The following AUTS2 variants were observed in gnomAD, a reference collection of about 807,000 sequenced individuals.
The protein encoded by AUTS2 is autism susceptibility gene 2 protein.
A neutral mutation model predicts 112.4 loss-of-function variants in AUTS2; 17 were observed. The observed-to-expected ratio is 0.15, with a 90% CI of 0.10 to 0.23. The LOEUF is 0.23. Among genes scored for constraint, AUTS2 ranks in the 10% least tolerant of loss-of-function variants. The pLI is 1.00. For missense variants in AUTS2, 1,510 were observed against 1,701.6 expected (o/e 0.89, Z 1.98); for synonymous variants, 751 against 702.7 (o/e 1.07, Z -1.09).
chr7:69,836,227 T>C (rs573342617), intron 1 of AUTS2, among the ~76,000 whole-genome samples: 1 of 152,310 alleles, frequency 6.6e-6, no homozygotes, highest in Admixed American at 6.5e-5. Flanking sequence ...TCAGATTAGC[T>C]GAGAAGGCAT....
intron 4 of AUTS2, among the ~76,000 whole-genome samples, chr7:70,263,606 G>A (rs1247850990): frequency 6.6e-6 from 1 of 152,040 alleles, no homozygotes; most frequent in African/African-American, 2.4e-5. Context: ...TTATTACTTT[G>A]TGCTTCACAT....
chr7:69,837,352 A>G (rs907301863), intron 1 of AUTS2, among the ~76,000 whole-genome samples: 2 of 152,130 alleles, frequency 1.3e-5, no homozygotes, highest in Admixed American at 6.6e-5. Flanking sequence ...GAAGATGCTC[A>G]GAGAGGTTAA....
At chr7:70,444,369 T>TGAGA (rs1410109542) in intron 5 of AUTS2, among the ~76,000 whole-genome samples, 1 of 144,978 alleles carries the variant, frequency 6.9e-6, no homozygotes, top group East Asian at 2.0e-4. Flanking sequence ...TGTGTGTGTG[T>TGAGA]GTGTGAGAGA....
chr7:69,827,594 G>A (rs1791308644), intron 1 of AUTS2, among the ~76,000 whole-genome samples: 2 of 152,298 alleles, frequency 1.3e-5, no homozygotes, highest in South Asian at 4.1e-4. Context: ...TTGGCCAGGG[G>A]AAAGGTGTAG....
chr7:70,135,916 T>C (rs1318205747), intron 4 of AUTS2, among the ~76,000 whole-genome samples: 1 of 152,086 alleles, frequency 6.6e-6, no homozygotes, highest in Non-Finnish European at 1.5e-5. Context: ...CTATTCTCCA[T>C]CCAAAAGCTA....
intron 5 of AUTS2, among the ~76,000 whole-genome samples, chr7:70,657,029 G>A (rs996406671): frequency 3.9e-5 from 6 of 152,154 alleles, no homozygotes; most frequent in Non-Finnish European, 8.8e-5. Context: ...CCTGCTCTTG[G>A]ACTTCTCAGG....
intron 5 of AUTS2, among the ~76,000 whole-genome samples, chr7:70,663,528 GA>G (rs1807182116): frequency 1.3e-5 from 2 of 152,022 alleles, no homozygotes; most frequent in Admixed American, 1.3e-4. Context: ...GGTTGGCCCT[GA>G]CTCCCCTTAC....
At chr7:70,127,903 C>T (rs1806061987) in intron 3 of AUTS2, among the ~76,000 whole-genome samples, 1 of 152,068 alleles carries the variant, frequency 6.6e-6, no homozygotes, top group Admixed American at 6.6e-5. Context: ...CAGCATCTGT[C>T]CTATTCTTTC....
chr7:69,797,730 G>A (rs1453188926), intron 1 of AUTS2, among the ~76,000 whole-genome samples: 1 of 151,924 alleles, frequency 6.6e-6, no homozygotes, highest in Non-Finnish European at 1.5e-5. Flanking sequence ...ATAAGGTTAT[G>A]TCTTCACCAG....
chr7:70,698,719 T>C (rs940875419), intron 6 of AUTS2, 99 bp downstream of exon 6: 6 of 980,454 alleles, frequency 6.1e-6, no homozygotes, highest in African/African-American at 4.9e-5. Context: ...CTTTCTCTTA[T>C]AATTCTGAAG....
At chr7:70,047,063 G>A (rs1466376713) in intron 2 of AUTS2, among the ~76,000 whole-genome samples, 9 of 152,098 alleles carry the variant, frequency 5.9e-5, no homozygotes, top group African/African-American at 1.4e-4. Context: ...TATGCAGTTC[G>A]GGGGTGATCT....
chr7:70,714,154 A>G (rs1810222399), intron 6 of AUTS2, among the ~76,000 whole-genome samples: 1 of 152,236 alleles, frequency 6.6e-6, no homozygotes, highest in Non-Finnish European at 1.5e-5. Context: ...GACACATGAA[A>G]GTGAATTCAA....
At chr7:70,611,941 C>T (rs1362694158) in intron 5 of AUTS2, among the ~76,000 whole-genome samples, 1 of 152,196 alleles carries the variant, frequency 6.6e-6, no homozygotes, top group Non-Finnish European at 1.5e-5. Context: ...ATAGTTTCTA[C>T]AAAGGGGGCC....
intron 4 of AUTS2, among the ~76,000 whole-genome samples, chr7:70,330,238 C>T (rs950969456): frequency 4.6e-5 from 7 of 152,126 alleles, no homozygotes; most frequent in Non-Finnish European, 1.0e-4. Flanking sequence ...TTACTTTCTT[C>T]TAAGAGTTTT....
In AUTS2 at chr7:70,109,798, G is replaced by A. The variant is rs1232988139; in HGVS notation, c.523-8334G>A. Among the ~76,000 whole-genome samples the A allele has an allele frequency of 2.0e-5, 3 of 152,146 alleles. No homozygotes were observed. The East Asian group carries it at 5.8e-4, about 29-fold the overall frequency. ...ATGTCCGGTCCCTGTCCCCCATCAT[G>A]GCTTGAATCCGTCCCTCAGGTTAGC... On this transcript the variant is annotated intron_variant, in intron 2 of 18. Transcript: ENST00000342771.
intron 2 of AUTS2, among the ~76,000 whole-genome samples, chr7:70,045,178 G>A (rs1315833740): frequency 6.6e-6 from 1 of 152,100 alleles, no homozygotes. Flanking sequence ...AGTTAATCCT[G>A]GGGCAAAGTT....
At position 69,924,139 on chromosome 7, in the gene AUTS2, A is replaced by G. The variant is rs192987912; in HGVS notation, c.522+24641A>G. Among the ~76,000 whole-genome samples the G allele has an allele frequency of 3.2e-3, 482 of 151,712 alleles. 3 individuals carry two copies. Among genetic ancestry groups the G allele is most frequent in the Non-Finnish European group, 5.7e-3 (385 of 67,962 alleles). Reference sequence around the variant, plus strand: ...CCATTCTAAGTTTGTCAGAATTTTAATCAAGAATGCATGTTATATTTTGTC... The same window carrying G: ...CCATTCTAAGTTTGTCAGAATTTTAGTCAAGAATGCATGTTATATTTTGTC... On this transcript the variant is annotated intron_variant, in intron 2 of 18. Transcript: ENST00000342771.
chr7:70,779,613 T>C (rs867657068), intron 14 of AUTS2, among the ~76,000 whole-genome samples: 1 of 152,136 alleles, frequency 6.6e-6, no homozygotes, highest in African/African-American at 2.4e-5. Flanking sequence ...TCTGTCAATA[T>C]AGATGCCCCC....
chr7:70,120,057 C>G (rs1211035267), intron 3 of AUTS2: 1 of 151,788 alleles, frequency 6.6e-6, no homozygotes, highest in African/African-American at 2.4e-5. Flanking sequence ...CTTTTTTTTA[C>G]TGAGAGATGT....
Sources: allele counts gnomAD v4.1 joint callset (sites outside exome capture counted in the v4.1 genomes callset), GRCh38; gene constraint gnomAD v4.1.1; transcripts MANE v1.5; gene names NCBI Gene and HGNC (gene_info 2026-07-23, HGNC 2026-07-21).